The following TMCO5A variants were observed in gnomAD, a reference collection of about 807,000 sequenced individuals.
TMCO5A encodes transmembrane and coiled-coil domains 5A, also known as transmembrane and coiled-coil domain-containing protein 5A.
A neutral mutation model predicts 42.3 loss-of-function variants in TMCO5A; 34 were observed. The ratio of observed to expected loss-of-function variants is 0.80; its 90% CI spans 0.61 to 1.07. TMCO5A has a LOEUF of 1.07. Among genes scored for constraint, TMCO5A ranks in the 50% least tolerant of loss-of-function variants. TMCO5A has a pLI of 0.00. For synonymous variants in TMCO5A, 131 were observed against 115.6 expected (o/e 1.13, Z -0.86); for missense variants, 357 against 327.9 (o/e 1.09, Z -0.69).
the TMCO5A span, among the ~76,000 whole-genome samples, chr15:37,984,310 C>A: frequency 6.6e-6 from 1 of 151,968 alleles, no homozygotes; most frequent in Non-Finnish European, 1.5e-5. Context: ...TTTTTTATCA[C>A]AACTGGGAGA....
chr15:37,942,476 T>G (rs1889782576), intron 9 of TMCO5A: 1 of 508,480 alleles, frequency 2.0e-6, no homozygotes. Flanking sequence ...GAAACACATC[T>G]CCCTTCGTAA....
chr15:38,008,324 C>T, the TMCO5A span, among the ~76,000 whole-genome samples: 2 of 152,040 alleles, frequency 1.3e-5, no homozygotes, highest in Non-Finnish European at 2.9e-5. Context: ...AAATACCGAC[C>T]GTGGTACTCA....
At chr15:37,942,999 C>A (rs1889803933) in intron 9 of TMCO5A, 4 of 199,316 alleles carry the variant, frequency 2.0e-5, no homozygotes, top group Non-Finnish European at 3.1e-5. Context: ...ACTTGTAGGT[C>A]CTTGCCCCTA....
the TMCO5A span, among the ~76,000 whole-genome samples, chr15:38,010,773 G>A: frequency 6.6e-6 from 1 of 152,038 alleles, no homozygotes; most frequent in Non-Finnish European, 1.5e-5. Flanking sequence ...TTATTTTTGA[G>A]ACAGTGCCTC....
the TMCO5A span, among the ~76,000 whole-genome samples, chr15:38,029,400 CA>C: frequency 6.6e-6 from 1 of 151,242 alleles, no homozygotes; most frequent in Non-Finnish European, 1.5e-5. Flanking sequence ...CACACACACA[CA>C]CACACTGTGT....
the TMCO5A span, among the ~76,000 whole-genome samples, chr15:38,007,945 G>C: frequency 3.8e-5 from 5 of 131,398 alleles, no homozygotes; most frequent in African/African-American, 6.0e-5. Flanking sequence ...GCCCAGGCTG[G>C]AGTGCAGTGG....
At chr15:37,966,589 G>C in intron 11 of TMCO5A, 1 of 702,884 alleles carries the variant, frequency 1.4e-6, no homozygotes, top group Non-Finnish European at 2.6e-6. Flanking sequence ...TCAAAACAAT[G>C]TCTTGGGACA....
rs1424457014 is a variant in TMCO5A at position 37,936,430 on chromosome 15, T to G, written c.107T>G (p.Leu36Arg). ...GATGAAGCAAATCAGAAACTTCTTC[T>G]CAAAATCCAAGAGAGGGAAGATAAG... ...RIDEANQKLL[L>R]KIQEREDKIQ... The change falls in exon 3 of 12, where the codon CTC (leucine) becomes CGC (arginine). Residue 36 changes from leucine to arginine, a missense_variant. Coordinates refer to ENST00000319669, the MANE Select transcript of TMCO5A (RefSeq NM_152453.4). The G allele has an allele frequency of 6.2e-7, 1 of 1,612,914 alleles. No homozygotes were observed. Among genetic ancestry groups the G allele is most frequent in the East Asian group, 2.2e-5 (1 of 44,816 alleles).
chr15:37,945,291 G>A (rs1158788805), intron 10 of TMCO5A, among the ~76,000 whole-genome samples: 1 of 152,030 alleles, frequency 6.6e-6, no homozygotes, highest in Admixed American at 6.6e-5. Flanking sequence ...GGGCACTTAG[G>A]TTGATTCCAT....
chr15:38,008,286 T>G, the TMCO5A span, among the ~76,000 whole-genome samples: 1 of 151,978 alleles, frequency 6.6e-6, no homozygotes, highest in South Asian at 2.1e-4. Context: ...AGAACCTGGA[T>G]GAAAGTGGGA....
the TMCO5A span, among the ~76,000 whole-genome samples, chr15:38,035,034 G>T: frequency 1.3e-4 from 20 of 152,288 alleles, no homozygotes; most frequent in African/African-American, 4.1e-4. Flanking sequence ...CCCAAGGTGT[G>T]AGAGTGGGTC....
chr15:38,008,796 C>A, the TMCO5A span, among the ~76,000 whole-genome samples: 1 of 152,186 alleles, frequency 6.6e-6, no homozygotes, highest in Non-Finnish European at 1.5e-5. Context: ...GGAATCAAGA[C>A]AACGCATGAC....
the TMCO5A span, among the ~76,000 whole-genome samples, chr15:38,010,258 C>G: frequency 6.6e-6 from 1 of 151,642 alleles, no homozygotes; most frequent in Non-Finnish European, 1.5e-5. Flanking sequence ...CGCGTGTAGT[C>G]CCAGCTACTC....
the TMCO5A span, among the ~76,000 whole-genome samples, chr15:38,026,198 C>T: frequency 3.3e-5 from 5 of 152,122 alleles, no homozygotes; most frequent in East Asian, 1.9e-4. Flanking sequence ...GAAAGGAAAA[C>T]GTGGGGAAGT....
chr15:38,037,100 T>C, the TMCO5A span, among the ~76,000 whole-genome samples: 2 of 152,238 alleles, frequency 1.3e-5, no homozygotes, highest in Non-Finnish European at 2.9e-5. Context: ...AGCTCAGTCA[T>C]TGATGTTACT....
At chr15:37,992,620 G>A in the TMCO5A span, among the ~76,000 whole-genome samples, 1 of 152,120 alleles carries the variant, frequency 6.6e-6, no homozygotes, top group Non-Finnish European at 1.5e-5. Flanking sequence ...TGGTAGATTA[G>A]ATTTTAAAGA....
the TMCO5A span, among the ~76,000 whole-genome samples, chr15:38,027,523 G>A: frequency 9.9e-5 from 15 of 152,258 alleles, no homozygotes; most frequent in South Asian, 2.9e-3. Flanking sequence ...CTTTATCTCA[G>A]ATGAGACTTT....
intron 11 of TMCO5A, among the ~76,000 whole-genome samples, chr15:37,949,619 A>G (rs1165392548): frequency 6.6e-6 from 1 of 152,126 alleles, no homozygotes; most frequent in Admixed American, 6.6e-5. Context: ...TAAGAACAGC[A>G]GGGAAAAAAA....
chr15:37,974,141 T>C, the TMCO5A span, among the ~76,000 whole-genome samples: 30 of 152,282 alleles, frequency 2.0e-4, no homozygotes, highest in African/African-American at 6.5e-4. Flanking sequence ...ATTTTTTTGA[T>C]GTCTTGCTGG....
Sources: allele counts gnomAD v4.1 joint callset (sites outside exome capture counted in the v4.1 genomes callset), GRCh38; gene constraint gnomAD v4.1.1; transcripts MANE v1.5; gene names NCBI Gene and HGNC (gene_info 2026-07-23, HGNC 2026-07-21).